DHX8: variants seen among roughly 807,000 people sequenced by gnomAD.
DHX8 encodes DEAH-box helicase 8.
Under a neutral mutation model 140.7 loss-of-function variants are expected in DHX8, and 67 were observed. That is an observed-to-expected ratio of 0.48 (90% CI 0.39 to 0.58). The LOEUF (loss-of-function observed/expected upper bound fraction) is 0.58, where lower values mean the gene tolerates loss of function less well. Ranked by LOEUF, DHX8 falls within the 20% of genes least tolerant of loss-of-function variation. The probability of loss-of-function intolerance (pLI) is 0.00; values close to 1 mark genes in which losing one functional copy is unlikely to be tolerated. For synonymous variants in DHX8, 533 were observed against 553.2 expected (o/e 0.96, Z 0.51); for missense variants, 887 against 1,550.7 (o/e 0.57, Z 7.19).
intron 16 of DHX8, among the ~76,000 whole-genome samples, chr17:43,512,929 A>G (rs902193850): frequency 1.3e-5 from 2 of 152,154 alleles, no homozygotes; most frequent in Non-Finnish European, 2.9e-5. Flanking sequence ...GCAAAATACA[A>G]GCAGCTCATT....
chr17:43,537,078 G>A lies in DHX8; in HGVS notation c.*20+580G>A, dbSNP rs1006801946. ...ATCCTGTGGATTTAAAAATCACATA[G>A]GAGGCGGCCAGGCATGGTGGCTCAC... is the stretch of plus-strand genomic sequence containing the variant. On this transcript the variant is annotated intron_variant, in intron 3 of 3. Transcript: ENST00000589898. Among the ~76,000 whole-genome samples, 19 of 152,338 alleles carry A rather than the reference G, an allele frequency of 1.2e-4. No homozygotes were observed. The South Asian group carries it at 1.4e-3, about 12-fold the overall frequency.
At chr17:43,496,133 G>C (rs1337506565) in intron 8 of DHX8, 48 bp from the exon 9 acceptor site, 1 of 1,461,778 alleles carries the variant, frequency 6.8e-7, no homozygotes, top group Non-Finnish European at 9.5e-7. Flanking sequence ...CAAAAAAAAA[G>C]TTTTGATCTT....
chr17:43,489,795 T>C (rs904671915), intron 2 of DHX8, among the ~76,000 whole-genome samples: 1 of 152,162 alleles, frequency 6.6e-6, no homozygotes, highest in Non-Finnish European at 1.5e-5. Flanking sequence ...TTTCACCGTG[T>C]TAGCCAGGAT....
intron 2 of DHX8, chr17:43,534,115 A>G: frequency 9.8e-7 from 1 of 1,015,522 alleles, no homozygotes; most frequent in Non-Finnish European, 1.3e-6. Context: ...TCTGGGTATC[A>G]ATTTTCTGAG....
chr17:43,503,966 C>T (rs1969353040), intron 11 of DHX8, among the ~76,000 whole-genome samples: 1 of 151,936 alleles, frequency 6.6e-6, no homozygotes. Context: ...AATCCCAGCA[C>T]TTTGGGAGGC....
chr17:43,523,640 T>C lies in DHX8; in HGVS notation c.3456T>C (p.His1152=). Residue 1152 remains histidine, a synonymous_variant, in exon 23 of 23, where the codon CAT becomes CAC. Transcript: ENST00000262415. ...TGTCCCCCCTCAGGGTGGTGTACCA[T>C]GAGCTGGTGCTCACCACCAAGGAAT... ...FNRQPEWVVY[H]ELVLTTKEYM... 1 of 1,614,164 alleles carries C rather than the reference T, an allele frequency of 6.2e-7. No homozygotes were observed. The highest frequency in any genetic ancestry group is 1.3e-5 in the African/African-American group (1 of 75,044).
Position 43,524,000 on chromosome 17 carries a change from A to AAT in DHX8, c.*155_*156dup. 5.5e-6 allele frequency: 8 copies of AAT among 1,445,338 alleles called. No homozygotes were observed. The highest frequency in any genetic ancestry group is 7.2e-6 in the Non-Finnish European group (8 of 1,104,080). 89.5% of individuals were successfully genotyped at this position (1,445,338 alleles called of 1,614,324 possible). On this transcript the variant is annotated 3_prime_UTR_variant, in exon 23 of 23. Transcript: ENST00000262415. ...ACTCTCATTTCTTCCCTGCTGGTAA[A>AAT]ATAGAAACAGGGATTTAAACCTGGC...
At chr17:43,491,128 C>CT (rs746367154) in intron 3 of DHX8, 37 bp from the exon 4 acceptor site, 60 of 1,034,886 alleles carry the variant, frequency 5.8e-5, no homozygotes, top group Non-Finnish European at 7.3e-5. Flanking sequence ...ATATATATCT[C>CT]TTTTTTTAAC....
intron 6 of DHX8, 143 bp from the exon 7 acceptor site, chr17:43,493,302 A>G: frequency 8.3e-7 from 1 of 1,208,004 alleles, no homozygotes; most frequent in Non-Finnish European, 1.1e-6. Context: ...GAGTGTTAAT[A>G]CTATTTTATT....
chr17:43,509,598 C>A (rs1311202221), intron 16 of DHX8, among the ~76,000 whole-genome samples: 6 of 152,054 alleles, frequency 3.9e-5, no homozygotes, highest in Non-Finnish European at 5.9e-5. Flanking sequence ...ATCCTCCTGC[C>A]TCAGCCGCCT....
At chr17:43,521,957 C>T in intron 21 of DHX8, 90 bp from the exon 22 acceptor site, 1 of 1,402,688 alleles carries the variant, frequency 7.1e-7, no homozygotes, top group Non-Finnish European at 9.9e-7. Context: ...CTACTCTGGG[C>T]ACCCCAAGAT....
chr17:43,512,386 C>CAA lies in DHX8; in HGVS notation c.2503-961_2503-960dup, dbSNP rs373398276. Among the ~76,000 whole-genome samples the CAA allele has an allele frequency of 5.6e-3, 558 of 100,254 alleles. 14 individuals carry two copies. The highest frequency in any genetic ancestry group is 6.8e-3 in the Non-Finnish European group (339 of 50,152). 65.8% of individuals were successfully genotyped at this position (100,254 alleles called of 152,430 possible). On this transcript the variant is annotated intron_variant, in intron 16 of 22. Transcript: ENST00000262415. ...TGGGCAACAGAGTGAGACTCTATCTCAAAAAAAAAAAAAAAAGGCAGATGG... is the reference window on the plus strand; with the variant it reads ...TGGGCAACAGAGTGAGACTCTATCTCAAAAAAAAAAAAAAAAAAGGCAGATGG...
chr17:43,488,503 C>T (rs1404975997), intron 1 of DHX8, among the ~76,000 whole-genome samples: 3 of 142,612 alleles, frequency 2.1e-5, no homozygotes, highest in East Asian at 2.2e-4. Flanking sequence ...CCCAGCTACT[C>T]GGGAGGCTGA....
At chr17:43,497,287 C>T (rs1279344829) in intron 9 of DHX8, among the ~76,000 whole-genome samples, 1 of 151,588 alleles carries the variant, frequency 6.6e-6, no homozygotes, top group African/African-American at 2.4e-5. Context: ...ACTTTTATTG[C>T]TATAGAGTGT....
chr17:43,529,834 A>T, downstream of DHX8: 1 of 1,604,248 alleles, frequency 6.2e-7, no homozygotes, highest in Non-Finnish European at 8.5e-7. Context: ...TCCTGCAGGG[A>T]CACAGCGTGA....
In DHX8 at chr17:43,524,617, T is replaced by A. The variant is rs1170177090; in HGVS notation, c.*770T>A. The A allele has an allele frequency of 1.0e-6, 1 of 985,516 alleles. No homozygotes were observed. Among genetic ancestry groups the A allele is most frequent in the Non-Finnish European group, 1.2e-6 (1 of 830,000 alleles). The allele number at this position is 985,516 out of a possible 1,614,324, so 61.0% of individuals were successfully genotyped here. A position where few individuals can be genotyped will look rare whatever the true frequency, so the allele number is the denominator to read the frequency against. On this transcript the variant is annotated 3_prime_UTR_variant, in exon 23 of 23. Transcript: ENST00000262415. ...CTGAGTGGCTACAGATGGCACATATTAAATACAGAAGGTTTCCCCTTGCTC... is the reference window on the plus strand; with the variant it reads ...CTGAGTGGCTACAGATGGCACATATAAAATACAGAAGGTTTCCCCTTGCTC...
In DHX8 at chr17:43,489,362, T is replaced by TA. The variant is rs910873058; in HGVS notation, c.149-85dup. 3 of 889,164 alleles carry TA rather than the reference T, an allele frequency of 3.4e-6. No homozygotes were observed. The African/African-American group carries it at 5.1e-5, about 15-fold the overall frequency. The allele number at this position is 889,164 out of a possible 1,614,324, so 55.1% of individuals were successfully genotyped here. ...GTCTTTGTTTTTTATTACTGTTGGA[T>TA]AACCTAATTAGTTTTGTTTTCACCA... On this transcript the variant is annotated intron_variant, in intron 1 of 22. Transcript: ENST00000262415.
Position 43,516,192 on chromosome 17 carries a change from C to G in DHX8, c.2644-975C>G, listed in dbSNP as rs138837819. Among the ~76,000 whole-genome samples the G allele has an allele frequency of 1.6e-4, 25 of 151,886 alleles. No individual in the cohort carries two copies. In the East Asian group the frequency reaches 4.6e-3, roughly 28 times the overall value. ...ATATTTTTTTGAGTATTTAATTTTC[C>G]TATTAGAATAATACATGTTCAATAT... is the stretch of plus-strand genomic sequence containing the variant. On this transcript the variant is annotated intron_variant, in intron 17 of 22. Coordinates refer to ENST00000262415, the MANE Select transcript of DHX8 (RefSeq NM_004941.3).
chr17:43,504,611 G>A (rs1963118309), intron 11 of DHX8, 33 bp from the exon 12 acceptor site: 5 of 1,580,126 alleles, frequency 3.2e-6, no homozygotes, highest in East Asian at 2.3e-5. Flanking sequence ...GGTAGCTTGA[G>A]GACAATACTA....
Sources: allele counts gnomAD v4.1 joint callset (sites outside exome capture counted in the v4.1 genomes callset), GRCh38; gene constraint gnomAD v4.1.1; transcripts MANE v1.5; gene names NCBI Gene and HGNC (gene_info 2026-07-23, HGNC 2026-07-21).